Variants in FBN2 observed in about 807,000 individuals in gnomAD.
FBN2 encodes fibrillin 2.
A neutral mutation model predicts 355.6 loss-of-function variants in FBN2; 105 were observed. That is an observed-to-expected ratio of 0.30 (90% confidence interval 0.25 to 0.35). The LOEUF is 0.35. FBN2 is among the 10% of genes least tolerant of loss of function. The pLI is 1.00. For missense variants in FBN2, 3,280 were observed against 3,758.7 expected (o/e 0.87, Z 3.33); for synonymous variants, 1,350 against 1,301.2 (o/e 1.04, Z -0.81).
chr5:128,489,212 A>G (rs535722777), intron 5 of FBN2, among the ~76,000 whole-genome samples: 7 of 152,318 alleles, frequency 4.6e-5, no homozygotes, highest in African/African-American at 1.7e-4. Flanking sequence ...AGTTCTAAGA[A>G]GCAAATTAAG....
At chr5:128,501,561 C>T (rs761568637) in intron 5 of FBN2, among the ~76,000 whole-genome samples, 1 of 151,974 alleles carries the variant, frequency 6.6e-6, no homozygotes, top group Non-Finnish European at 1.5e-5. Context: ...AAGAATACTG[C>T]ATTGTAGGAA....
chr5:128,353,673 G>C (rs1292048043), intron 20 of FBN2, among the ~76,000 whole-genome samples: 1 of 152,192 alleles, frequency 6.6e-6, no homozygotes, highest in Non-Finnish European at 1.5e-5. Flanking sequence ...TCAAGATAGT[G>C]ACAGGAACTG....
In FBN2 at chr5:128,280,516, G is replaced by A. The variant is rs370179641; in HGVS notation, c.7013-199C>T. Among the ~76,000 whole-genome samples the A allele has an allele frequency of 2.6e-5, 4 of 152,040 alleles. No individual in the cohort carries two copies. In the East Asian group the frequency reaches 7.7e-4, roughly 29 times the overall value. On this transcript the variant is annotated intron_variant, in intron 55 of 64. Coordinates refer to ENST00000262464, the MANE Select transcript of FBN2 (RefSeq NM_001999.4). ...TTGGTGGGTTCTTTCTTAAGATAAT[G>A]TTGTCTTCTTCTTTCTTTTCTTTAT...
intron 5 of FBN2, among the ~76,000 whole-genome samples, chr5:128,492,696 G>A (rs1755541252): frequency 6.6e-6 from 1 of 151,228 alleles, no homozygotes; most frequent in East Asian, 2.0e-4. Flanking sequence ...CCAGCTACTC[G>A]GGAGGCTGAG....
rs112044945 is a variant in FBN2, at chr5:128,400,891, G to C, written c.1079-5617C>G. Among the ~76,000 whole-genome samples the C allele has an allele frequency of 7.4e-3, 1,125 of 152,264 alleles. 14 individuals are homozygous for C. The highest frequency in any genetic ancestry group is 0.025 in the African/African-American group (1,045 of 41,550). ...TCCCACATGTGGTGGGAGGGACCCA[G>C]AGGGAGGTAACTGAATAATGGGGGC... On this transcript the variant is annotated intron_variant, in intron 8 of 64. Coordinates refer to ENST00000262464, the MANE Select transcript of FBN2 (RefSeq NM_001999.4).
chr5:128,331,126 A>C (rs1750679527), intron 32 of FBN2, among the ~76,000 whole-genome samples: 1 of 152,232 alleles, frequency 6.6e-6, no homozygotes, highest in Non-Finnish European at 1.5e-5. Context: ...ACCTCATGGA[A>C]TCCCTTAGTT....
intron 39 of FBN2, among the ~76,000 whole-genome samples, chr5:128,310,390 ATATATATATATATT>A (rs1214579739): frequency 3.7e-4 from 11 of 30,024 alleles, no homozygotes; most frequent in African/African-American, 1.5e-3. Context: ...ATATATATAT[ATATATATATATATT>A]TTTTTTTTTT....
At chr5:128,428,902 A>G (rs1753548706) in intron 7 of FBN2, among the ~76,000 whole-genome samples, 1 of 152,088 alleles carries the variant, frequency 6.6e-6, no homozygotes. Flanking sequence ...CTCACCTCTC[A>G]CGGATGATTC....
At chr5:128,448,708 G>A (rs1035317123) in intron 6 of FBN2, among the ~76,000 whole-genome samples, 1 of 151,920 alleles carries the variant, frequency 6.6e-6, no homozygotes, top group African/African-American at 2.4e-5. Flanking sequence ...ATATTGTAAA[G>A]GAATACTAAT....
chr5:128,513,851 CT>C (rs1322161022), intron 5 of FBN2, among the ~76,000 whole-genome samples: 2 of 151,966 alleles, frequency 1.3e-5, no homozygotes, highest in African/African-American at 4.8e-5. Context: ...CTCTAATTTT[CT>C]TTCCCTCTGT....
chr5:128,306,367 C>A (rs950252449), intron 42 of FBN2, among the ~76,000 whole-genome samples: 5 of 152,110 alleles, frequency 3.3e-5, no homozygotes, highest in African/African-American at 9.7e-5. Flanking sequence ...CGCCTGTAAT[C>A]CCAGCACTTT....
chr5:128,334,942 A>T, intron 30 of FBN2, 98 bp from the exon 31 acceptor site: 1 of 1,245,002 alleles, frequency 8.0e-7, no homozygotes, highest in South Asian at 1.2e-5. Context: ...TACACAGGCA[A>T]GATCTAAAAT....
At chr5:128,336,165 C>T in intron 27 of FBN2, 52 bp from the exon 28 acceptor site, 1 of 1,594,628 alleles carries the variant, frequency 6.3e-7, no homozygotes, top group East Asian at 2.2e-5. Flanking sequence ...CTCACTAAAG[C>T]CATCAGAAAG....
In FBN2 at chr5:128,335,158, TATG is replaced by T. The variant is rs759693806; in HGVS notation, c.3973+9_3973+11del. ...GTGTGTATAAATGTTTATCCTTTCT[TATG>T]ATACCCACCAATGCATGTTTTCATG... On this transcript the variant is annotated intron_variant, in intron 30 of 64. Transcript: ENST00000262464. 1 of 1,614,146 alleles carries T rather than the reference TATG, an allele frequency of 6.2e-7. No homozygotes were observed. Among genetic ancestry groups the T allele is most frequent in the South Asian group, 1.1e-5 (1 of 91,080 alleles).
At position 128,516,601 on chromosome 5, in the gene FBN2, G is replaced by A. The variant is rs17615648; in HGVS notation, c.628+2672C>T. Among the ~76,000 whole-genome samples, 609 of 152,058 alleles carry A rather than the reference G, an allele frequency of 4.0e-3. 2 individuals are homozygous for A. Among genetic ancestry groups the A allele is most frequent in the Non-Finnish European group, 6.2e-3 (421 of 67,974 alleles). On this transcript the variant is annotated intron_variant, in intron 5 of 64. Coordinates refer to ENST00000262464, the MANE Select transcript of FBN2 (RefSeq NM_001999.4). Reference sequence around the variant, plus strand: ...TTTATCATATGACTGATCCCAAAAGGCCAATTTAAAGAGAAATTATGTGTT... The same window carrying A: ...TTTATCATATGACTGATCCCAAAAGACCAATTTAAAGAGAAATTATGTGTT...
At chr5:128,293,917 A>T (rs886557556) in intron 48 of FBN2, among the ~76,000 whole-genome samples, 1 of 151,998 alleles carries the variant, frequency 6.6e-6, no homozygotes, top group Non-Finnish European at 1.5e-5. Flanking sequence ...TACATGTGCC[A>T]TGCTGGTGTG....
rs571343889 is a variant in FBN2 at position 128,400,277 on chromosome 5, A to G, written c.1079-5003T>C. On this transcript the variant is annotated intron_variant, in intron 8 of 64. Transcript: ENST00000262464. ...ATAGACCACAAATAAAGAAAAAAAA[A>G]TAGAGTCAATACATAATTTTAAAAC... Among the ~76,000 whole-genome samples, 4 of 152,208 alleles carry G rather than the reference A, an allele frequency of 2.6e-5. No homozygotes were observed. In the East Asian group the frequency reaches 7.7e-4, roughly 29 times the overall value.
intron 7 of FBN2, among the ~76,000 whole-genome samples, chr5:128,430,581 C>T (rs917642801): frequency 1.3e-5 from 2 of 152,082 alleles, no homozygotes; most frequent in Admixed American, 6.6e-5. Flanking sequence ...AGGTGGCTTA[C>T]GCTTGTAATC....
rs150931558 is a variant in FBN2 at position 128,305,583 on chromosome 5, T to C, written c.5602A>G (p.Ile1868Val). ...CAGCGGTAACTACCAGGACTATTGA[T>C]GCAGTCTGCATTCCGCTGGCAGAGA... ...DNLCQRNADCINSPGSYRCEC... is the reference protein window; with the variant it reads ...DNLCQRNADCVNSPGSYRCEC... The change falls in exon 44 of 65, where the codon ATC (isoleucine) becomes GTC (valine). Residue 1868 changes from isoleucine to valine, a missense_variant. Coordinates refer to ENST00000262464, the MANE Select transcript of FBN2 (RefSeq NM_001999.4). 6.2e-7 allele frequency: 1 copy of C among 1,614,056 alleles called. No homozygotes were observed. The highest frequency in any genetic ancestry group is 8.5e-7 in the Non-Finnish European group (1 of 1,179,946).
Sources: allele counts gnomAD v4.1 joint callset (sites outside exome capture counted in the v4.1 genomes callset), GRCh38; gene constraint gnomAD v4.1.1; transcripts MANE v1.5; gene names NCBI Gene and HGNC (gene_info 2026-07-23, HGNC 2026-07-21).